SMYD3: variants seen among roughly 807,000 people sequenced by gnomAD.
SMYD3 encodes histone-lysine N-methyltransferase SMYD3.
SMYD3 carries 36 observed loss-of-function variants against 57.7 expected under a neutral mutation model. The observed-to-expected ratio is 0.62, with a 90% confidence interval of 0.48 to 0.82. The LOEUF (loss-of-function observed/expected upper bound fraction) is 0.82. Among genes scored for constraint, SMYD3 ranks in the 40% least tolerant of loss-of-function variants. The probability of loss-of-function intolerance (pLI) is 0.00; values close to 1 mark genes in which losing one functional copy is unlikely to be tolerated. For missense variants in SMYD3, 515 were observed against 538.8 expected (o/e 0.96, Z 0.44); for synonymous variants, 211 against 195.0 (o/e 1.08, Z -0.68).
At chr1:246,146,797 G>A (rs1216381171) in intron 5 of SMYD3, among the ~76,000 whole-genome samples, 1 of 152,154 alleles carries the variant, frequency 6.6e-6, no homozygotes, top group Admixed American at 6.5e-5. Context: ...TCTGAGAGGA[G>A]GAAGGGGAAG....
chr1:246,496,609 C>T (rs2068368694), intron 1 of SMYD3, among the ~76,000 whole-genome samples: 1 of 152,128 alleles, frequency 6.6e-6, no homozygotes, highest in African/African-American at 2.4e-5. Context: ...AGGTGAATTG[C>T]TTGAGCCCAG....
intron 10 of SMYD3, among the ~76,000 whole-genome samples, chr1:245,774,994 T>C (rs546702382): frequency 1.6e-4 from 24 of 152,230 alleles, no homozygotes; most frequent in Middle Eastern, 6.8e-3. Context: ...GGAGTCTCGT[T>C]CACTCAGTGG....
chr1:246,227,287 A>G (rs1019517267), intron 5 of SMYD3, among the ~76,000 whole-genome samples: 2 of 152,190 alleles, frequency 1.3e-5, no homozygotes, highest in African/African-American at 2.4e-5. Flanking sequence ...CTTTAATTTC[A>G]GCTCATGCAC....
At chr1:246,303,923 G>A (rs958963650) in intron 5 of SMYD3, among the ~76,000 whole-genome samples, 1 of 152,140 alleles carries the variant, frequency 6.6e-6, no homozygotes, top group Non-Finnish European at 1.5e-5. Context: ...TCTACAACAC[G>A]TGTATTGAGA....
intron 5 of SMYD3, among the ~76,000 whole-genome samples, chr1:246,154,135 C>G (rs568727589): frequency 6.6e-6 from 1 of 152,330 alleles, no homozygotes; most frequent in Admixed American, 6.5e-5. Flanking sequence ...TATATCCACT[C>G]ATGTGGTATT....
intron 5 of SMYD3, among the ~76,000 whole-genome samples, chr1:245,954,005 A>C (rs2057749463): frequency 6.6e-6 from 1 of 151,182 alleles, no homozygotes; most frequent in South Asian, 2.1e-4. Context: ...TCTTTACTTC[A>C]AAAAATTAAA....
chr1:245,871,289 A>G (rs976539244), intron 8 of SMYD3, among the ~76,000 whole-genome samples: 2 of 152,234 alleles, frequency 1.3e-5, no homozygotes, highest in African/African-American at 4.8e-5. Flanking sequence ...GACTAGATTA[A>G]TATACAACAT....
At chr1:245,787,640 A>G (rs80123982) in intron 10 of SMYD3, among the ~76,000 whole-genome samples, 1 of 150,872 alleles carries the variant, frequency 6.6e-6, no homozygotes. Flanking sequence ...AAAAAAAAAA[A>G]GGCAACCTTA....
intron 5 of SMYD3, among the ~76,000 whole-genome samples, chr1:246,135,222 C>T (rs1318196776): frequency 6.6e-6 from 1 of 152,144 alleles, no homozygotes; most frequent in Non-Finnish European, 1.5e-5. Context: ...CACTACTCCT[C>T]TGTGAATGGT....
intron 5 of SMYD3, among the ~76,000 whole-genome samples, chr1:246,009,017 C>T (rs571715232): frequency 5.9e-5 from 9 of 152,272 alleles, no homozygotes; most frequent in Admixed American, 5.2e-4. Context: ...CTTCGGTTTC[C>T]TCCTCTTAGC....
intron 5 of SMYD3, among the ~76,000 whole-genome samples, chr1:246,257,484 T>C (rs1437397704): frequency 6.6e-6 from 1 of 152,240 alleles, no homozygotes; most frequent in East Asian, 1.9e-4. Flanking sequence ...CTCTTTTTTG[T>C]TATTCATTAC....
intron 5 of SMYD3, 196 bp from the exon 6 acceptor site, chr1:245,930,133 G>T: frequency 1.7e-5 from 10 of 579,598 alleles, no homozygotes; most frequent in East Asian, 3.8e-5. Context: ...ACATCAGGTG[G>T]TTAAGTGCAG....
rs1043718594 is a variant in SMYD3, at chr1:245,809,666, G to T, written c.1077-45517C>A. Among the ~76,000 whole-genome samples, 6 of 152,212 alleles carry T rather than the reference G, an allele frequency of 3.9e-5. No homozygotes were observed. The East Asian group carries it at 1.2e-3, about 29-fold the overall frequency. On this transcript the variant is annotated intron_variant, in intron 10 of 11. Transcript: ENST00000490107. ...TGGCGTGGTTAGGAGGCAAGACGCA[G>T]AAAACATCCTAGTGCGGGCACAATT...
intron 1 of SMYD3, among the ~76,000 whole-genome samples, chr1:246,500,572 T>C (rs1303552626): frequency 2.0e-5 from 3 of 152,196 alleles, no homozygotes; most frequent in Non-Finnish European, 4.4e-5. Flanking sequence ...CCTGAAGATG[T>C]GTTGCCATTT....
At chr1:246,051,556 G>C (rs748693118) in intron 5 of SMYD3, among the ~76,000 whole-genome samples, 1 of 150,834 alleles carries the variant, frequency 6.6e-6, no homozygotes, top group Non-Finnish European at 1.5e-5. Flanking sequence ...GTCACTTTCC[G>C]TTTTCCAATC....
intron 5 of SMYD3, among the ~76,000 whole-genome samples, chr1:245,941,875 A>C (rs2057257667): frequency 6.6e-6 from 1 of 152,196 alleles, no homozygotes; most frequent in Non-Finnish European, 1.5e-5. Context: ...AACTGGCCAT[A>C]CTAGGCTTTA....
At chr1:245,802,365 C>T (rs1379926220) in intron 10 of SMYD3, among the ~76,000 whole-genome samples, 1 of 152,132 alleles carries the variant, frequency 6.6e-6, no homozygotes, top group South Asian at 2.1e-4. Flanking sequence ...AAACGCTGAC[C>T]TCCCCCTCTC....
At chr1:246,140,850 C>T (rs929289366) in intron 5 of SMYD3, among the ~76,000 whole-genome samples, 3 of 152,194 alleles carry the variant, frequency 2.0e-5, no homozygotes, top group African/African-American at 7.2e-5. Context: ...CCCTCTCCGC[C>T]TCCTGAGTTG....
At chr1:245,766,652 C>T (rs948164504) in intron 10 of SMYD3, among the ~76,000 whole-genome samples, 3 of 152,154 alleles carry the variant, frequency 2.0e-5, no homozygotes, top group African/African-American at 7.2e-5. Context: ...TTGAAAAGCA[C>T]GCCTGGATTT....
Sources: allele counts gnomAD v4.1 joint callset (sites outside exome capture counted in the v4.1 genomes callset), GRCh38; gene constraint gnomAD v4.1.1; transcripts MANE v1.5; gene names NCBI Gene and HGNC (gene_info 2026-07-23, HGNC 2026-07-21).